The following FLRT2 variants were observed in gnomAD, a reference collection of about 807,000 sequenced individuals.
FLRT2 encodes fibronectin leucine rich transmembrane protein 2, also known as leucine-rich repeat transmembrane protein FLRT2.
FLRT2 carries 15 observed loss-of-function variants against 40.0 expected under a neutral mutation model. The ratio of observed to expected loss-of-function variants is 0.38; its 90% CI spans 0.25 to 0.58. FLRT2 has a LOEUF of 0.58. Ranked by LOEUF, FLRT2 falls within the 20% of genes least tolerant of loss-of-function variation. The probability of loss-of-function intolerance (pLI) is 0.71; values close to 1 mark genes in which losing one functional copy is unlikely to be tolerated. For missense variants in FLRT2, 726 were observed against 840.0 expected, an observed-to-expected ratio of 0.86 and a Z score of 1.68; for synonymous variants, 380 against 336.8, an observed-to-expected ratio of 1.13 and a Z score of -1.41.
Position 85,644,908 on chromosome 14 carries a change from G to A in FLRT2, c.*21411G>A, listed in dbSNP as rs1189997243. 2.2e-4 allele frequency: 33 copies of A among 152,172 alleles called. 1 individual carries two copies. Among genetic ancestry groups the A allele is most frequent in the Non-Finnish European group, 1.5e-5 (1 of 68,040 alleles). The allele number at this position is 152,172 out of a possible 1,614,324, so 9.4% of individuals were successfully genotyped here. A position where few individuals can be genotyped will look rare whatever the true frequency, so the allele number is the denominator to read the frequency against. On this transcript the variant is annotated 3_prime_UTR_variant, in exon 2 of 2. Transcript: ENST00000330753. ...TTGTAAAACTTTGCCAATCTCGTAG[G>A]AGATTAATAGCGTAGAGCTCTGTGG...
At chr14:85,612,551 G>A (rs1454790111) in intron 1 of FLRT2, among the ~76,000 whole-genome samples, 2 of 152,092 alleles carry the variant, frequency 1.3e-5, no homozygotes, top group African/African-American at 4.8e-5. Flanking sequence ...TTCTTGGGGT[G>A]GGTTGGGGGG....
intron 1 of FLRT2, among the ~76,000 whole-genome samples, chr14:85,541,832 C>T (rs1280027484): frequency 1.3e-5 from 2 of 152,166 alleles, no homozygotes; most frequent in Admixed American, 1.3e-4. Flanking sequence ...TACCTCACAG[C>T]CATGTGTCCT....
intron 1 of FLRT2, among the ~76,000 whole-genome samples, chr14:85,600,914 T>C (rs1892352690): frequency 6.6e-6 from 1 of 152,160 alleles, no homozygotes; most frequent in Non-Finnish European, 1.5e-5. Context: ...TTCTAACTGC[T>C]TAATAGATGT....
chr14:85,568,528 T>G (rs1890738089), intron 1 of FLRT2, among the ~76,000 whole-genome samples: 1 of 152,194 alleles, frequency 6.6e-6, no homozygotes, highest in Non-Finnish European at 1.5e-5. Flanking sequence ...TGTGCTCACA[T>G]TCAAGAAGCC....
chr14:85,570,830 C>G (rs1890858417), intron 1 of FLRT2, among the ~76,000 whole-genome samples: 1 of 151,892 alleles, frequency 6.6e-6, no homozygotes. Flanking sequence ...CATGATCCGC[C>G]CGCCTCGGCC....
chr14:85,615,899 G>C lies in FLRT2; in HGVS notation c.-376-5240G>C, dbSNP rs73321574. Reference sequence around the variant, plus strand: ...TATTTTCTGTACTATGATTTTTATAGTTTTAGTTTATTAAGTGCTCCTGGA... The same window carrying C: ...TATTTTCTGTACTATGATTTTTATACTTTTAGTTTATTAAGTGCTCCTGGA... On this transcript the variant is annotated intron_variant, in intron 1 of 1. Transcript: ENST00000330753. Among the ~76,000 whole-genome samples the C allele has an allele frequency of 7.1e-3, 1,075 of 152,234 alleles. 16 individuals carry two copies. The highest frequency in any genetic ancestry group is 0.024 in the African/African-American group (979 of 41,536).
At chr14:85,562,806 T>C (rs1890427178) in intron 1 of FLRT2, 1 of 151,968 alleles carries the variant, frequency 6.6e-6, no homozygotes, top group Non-Finnish European at 1.5e-5. Flanking sequence ...ACAAAGAACA[T>C]CATTTGTCAG....
chr14:85,622,609 C>T lies in FLRT2; in HGVS notation c.1095C>T (p.Pro365=), dbSNP rs368680328. 18 of 1,613,492 alleles carry T rather than the reference C, an allele frequency of 1.1e-5. No individual in the cohort carries two copies. Among genetic ancestry groups the T allele is most frequent in the East Asian group, 4.5e-5 (2 of 44,862 alleles). The change falls in exon 2 of 2, where the codon CCC becomes CCT. Residue 365 remains proline (P), a synonymous_variant. Coordinates refer to ENST00000330753, the MANE Select transcript of FLRT2 (RefSeq NM_013231.6). ...TTTTGTCCTGTCCCACCACGACCCCCGGCCTGCCTCTCTTCACCCCAGCCC... is the reference window on the plus strand; with the variant it reads ...TTTTGTCCTGTCCCACCACGACCCCTGGCCTGCCTCTCTTCACCCCAGCCC... ...MNLLSCPTTT[P]GLPLFTPAPS...
At chr14:85,574,560 A>G (rs1463582535) in intron 1 of FLRT2, among the ~76,000 whole-genome samples, 1 of 152,144 alleles carries the variant, frequency 6.6e-6, no homozygotes, top group Non-Finnish European at 1.5e-5. Context: ...GGAAATTTGG[A>G]GACGCCTTTT....
At chr14:85,616,915 T>C (rs2139362069) in intron 1 of FLRT2, among the ~76,000 whole-genome samples, 1 of 152,360 alleles carries the variant, frequency 6.6e-6, no homozygotes, top group South Asian at 2.1e-4. Flanking sequence ...TTTCATGCTT[T>C]TTGATGTCCA....
In FLRT2 at chr14:85,622,550, C is replaced by G. The variant is rs768328033; in HGVS notation, c.1036C>G (p.Arg346Gly). Reference protein sequence around the residue: ...GFMCQGPEQVRGMAVRELNMN... With the variant: ...GFMCQGPEQVGGMAVRELNMN... The stretch of plus-strand genomic sequence containing the variant: ...CATGTGCCAAGGTCCTGAACAAGTC[C>G]GGGGGATGGCCGTCAGGGAATTAAA... The change falls in exon 2 of 2, where the codon CGG becomes GGG. Residue 346 changes from arginine (R) to glycine (G), a missense_variant. Physicochemically the swap from Arg to Gly is moderately radical, Grantham distance 125. Coordinates refer to ENST00000330753, the MANE Select transcript of FLRT2 (RefSeq NM_013231.6). 1 of 1,613,884 alleles carries G rather than the reference C, an allele frequency of 6.2e-7. No individual in the cohort carries two copies. Among genetic ancestry groups the G allele is most frequent in the Non-Finnish European group, 8.5e-7 (1 of 1,179,988 alleles).
chr14:85,587,987 A>G (rs1891702662), intron 1 of FLRT2, among the ~76,000 whole-genome samples: 2 of 151,494 alleles, frequency 1.3e-5, no homozygotes, highest in South Asian at 2.1e-4. Flanking sequence ...GCTGGAGTGC[A>G]GTGGCGCAAT....
intron 1 of FLRT2, among the ~76,000 whole-genome samples, chr14:85,581,454 G>C (rs1234270567): frequency 6.6e-6 from 1 of 152,142 alleles, no homozygotes; most frequent in Non-Finnish European, 1.5e-5. Flanking sequence ...AGTTCAAACA[G>C]TTTAGAAAAC....
intron 1 of FLRT2, among the ~76,000 whole-genome samples, chr14:85,601,795 T>C (rs953995370): frequency 4.6e-5 from 7 of 152,214 alleles, no homozygotes; most frequent in African/African-American, 1.7e-4. Flanking sequence ...TAATTATTAC[T>C]GGTAAAGTCA....
In FLRT2 at chr14:85,643,843, AT is replaced by A. The variant is rs1594979035; in HGVS notation, c.*20349del. On this transcript the variant is annotated 3_prime_UTR_variant, in exon 2 of 2. Coordinates refer to ENST00000330753, the MANE Select transcript of FLRT2 (RefSeq NM_013231.6). The stretch of plus-strand genomic sequence containing the variant: ...GGAGTGACAGAGAACAAACGACAAC[AT>A]TTAGTCCAGTTGCAGCAGAGTGGTT... The A allele has an allele frequency of 6.6e-6, 1 of 152,216 alleles. No individual in the cohort carries two copies. The highest frequency in any genetic ancestry group is 1.9e-4 in the East Asian group (1 of 5,192). 9.4% of individuals were successfully genotyped at this position (152,216 alleles called of 1,614,324 possible). A position where few individuals can be genotyped will look rare whatever the true frequency, so the allele number is the denominator to read the frequency against.
chr14:85,545,287 T>C (rs1322964050), intron 1 of FLRT2, among the ~76,000 whole-genome samples: 1 of 152,228 alleles, frequency 6.6e-6, no homozygotes, highest in Non-Finnish European at 1.5e-5. Context: ...ATGTATATTA[T>C]CTCATCTAAA....
At chr14:85,615,238 A>C (rs1424327201) in intron 1 of FLRT2, among the ~76,000 whole-genome samples, 3 of 152,192 alleles carry the variant, frequency 2.0e-5, no homozygotes, top group African/African-American at 7.2e-5. Flanking sequence ...AGCAGTAGTG[A>C]AAGTGTCTTC....
chr14:85,605,157 C>A (rs1892550774), intron 1 of FLRT2, among the ~76,000 whole-genome samples: 1 of 152,174 alleles, frequency 6.6e-6, no homozygotes, highest in Non-Finnish European at 1.5e-5. Context: ...TTTCCCCACA[C>A]CCCCTCTTCC....
intron 1 of FLRT2, among the ~76,000 whole-genome samples, chr14:85,576,877 C>T (rs948645897): frequency 6.6e-6 from 1 of 152,152 alleles, no homozygotes; most frequent in African/African-American, 2.4e-5. Context: ...CTGGCAGACC[C>T]CAAATCTTTG....
Sources: allele counts gnomAD v4.1 joint callset (sites outside exome capture counted in the v4.1 genomes callset), GRCh38; gene constraint gnomAD v4.1.1; transcripts MANE v1.5; gene names NCBI Gene and HGNC (gene_info 2026-07-23, HGNC 2026-07-21).